Variants in LRRIQ3 observed in about 807,000 individuals in gnomAD.
LRRIQ3 encodes the protein leucine-rich repeat and IQ domain-containing protein 3.
LRRIQ3 carries 75 observed loss-of-function variants against 59.3 expected under a neutral mutation model. The observed-to-expected ratio is 1.26, with a 90% CI of 1.05 to 1.53. LRRIQ3 has a LOEUF of 1.53. Among genes scored for constraint, LRRIQ3 ranks in the 40% most tolerant of loss-of-function variants. The probability of loss-of-function intolerance (pLI) is 0.00; values close to 1 mark genes in which losing one functional copy is unlikely to be tolerated. For synonymous variants in LRRIQ3, 250 were observed against 231.3 expected (o/e 1.08, Z -0.73); for missense variants, 831 against 710.0 (o/e 1.17, Z -1.94).
chr1:74,077,009 C>G (rs2100486006), intron 5 of LRRIQ3, among the ~76,000 whole-genome samples: 1 of 152,080 alleles, frequency 6.6e-6, no homozygotes, highest in Non-Finnish European at 1.5e-5. Context: ...AGTCACAATA[C>G]CAAAACATAT....
chr1:74,178,171 T>C (rs1358236525), intron 3 of LRRIQ3, among the ~76,000 whole-genome samples: 1 of 151,948 alleles, frequency 6.6e-6, no homozygotes, highest in Admixed American at 6.6e-5. Context: ...CTGTTCACCA[T>C]TACTTTGGTT....
chr1:74,034,995 G>GA (rs928789512), intron 7 of LRRIQ3, among the ~76,000 whole-genome samples: 10 of 152,002 alleles, frequency 6.6e-5, no homozygotes, highest in Admixed American at 2.6e-4. Flanking sequence ...TAATATCAGA[G>GA]AAAAAATGTG....
At chr1:74,185,718 C>T (rs1461636621) in intron 1 of LRRIQ3, among the ~76,000 whole-genome samples, 5 of 151,708 alleles carry the variant, frequency 3.3e-5, no homozygotes, top group Non-Finnish European at 7.4e-5. Context: ...CTGAGGCGGG[C>T]GGATTACCAG....
chr1:74,173,120 T>C (rs1011003602), intron 3 of LRRIQ3, among the ~76,000 whole-genome samples: 2 of 151,862 alleles, frequency 1.3e-5, no homozygotes, highest in African/African-American at 4.8e-5. Flanking sequence ...GCCAGCATCC[T>C]GGCCGTCTCT....
intron 5 of LRRIQ3, among the ~76,000 whole-genome samples, chr1:74,106,631 G>A (rs902948239): frequency 8.6e-5 from 13 of 151,996 alleles, no homozygotes; most frequent in African/African-American, 3.1e-4. Flanking sequence ...TCAAAGCCCC[G>A]GTGGGGTATT....
chr1:74,073,545 A>AAAC (rs1646159506), intron 6 of LRRIQ3, among the ~76,000 whole-genome samples: 1 of 138,088 alleles, frequency 7.2e-6, no homozygotes, highest in African/African-American at 2.6e-5. Context: ...AACAAACAAA[A>AAAC]TAAAAAGACC....
At chr1:74,147,092 G>A (rs1315443686) in intron 4 of LRRIQ3, among the ~76,000 whole-genome samples, 1 of 152,028 alleles carries the variant, frequency 6.6e-6, no homozygotes, top group Non-Finnish European at 1.5e-5. Flanking sequence ...GCCAGGCATG[G>A]CAACGCGTGC....
intron 3 of LRRIQ3, among the ~76,000 whole-genome samples, chr1:74,169,381 G>A (rs1437240499): frequency 6.6e-6 from 1 of 152,104 alleles, no homozygotes; most frequent in African/African-American, 2.4e-5. Flanking sequence ...AATCAACATG[G>A]AATACTGTTT....
chr1:74,138,320 A>G (rs577194394), intron 4 of LRRIQ3: 7 of 177,790 alleles, frequency 3.9e-5, no homozygotes, highest in African/African-American at 9.5e-5. Flanking sequence ...GCCAAATCAC[A>G]GCTCATAATT....
At chr1:74,040,416 T>C (rs370162175) in intron 7 of LRRIQ3, among the ~76,000 whole-genome samples, 1 of 152,134 alleles carries the variant, frequency 6.6e-6, no homozygotes, top group African/African-American at 2.4e-5. Flanking sequence ...TTCAGGACTT[T>C]AACACAGCTC....
At chr1:74,189,252 G>A (rs1650601809) in intron 1 of LRRIQ3, among the ~76,000 whole-genome samples, 2 of 152,096 alleles carry the variant, frequency 1.3e-5, no homozygotes, top group African/African-American at 4.8e-5. Context: ...GGCTCCCAAA[G>A]CATAAAAGCA....
chr1:74,073,212 T>C (rs1655075282), intron 6 of LRRIQ3, among the ~76,000 whole-genome samples: 1 of 152,102 alleles, frequency 6.6e-6, no homozygotes, highest in African/African-American at 2.4e-5. Context: ...CTATTTAGTT[T>C]TCATATTCCA....
chr1:74,127,655 A>G (rs1646955654), intron 4 of LRRIQ3, among the ~76,000 whole-genome samples: 1 of 152,060 alleles, frequency 6.6e-6, no homozygotes, highest in Non-Finnish European at 1.5e-5. Context: ...GCTTCTATTT[A>G]CATCTTAGTA....
At chr1:74,047,459 G>T (rs1654239028) in intron 6 of LRRIQ3, among the ~76,000 whole-genome samples, 1 of 152,030 alleles carries the variant, frequency 6.6e-6, no homozygotes, top group South Asian at 2.1e-4. Context: ...ATGGGCTAGG[G>T]GACGGATAGC....
intron 5 of LRRIQ3, among the ~76,000 whole-genome samples, chr1:74,102,990 G>T (rs147703680): frequency 6.6e-6 from 1 of 152,054 alleles, no homozygotes; most frequent in African/African-American, 2.4e-5. Context: ...CTTAAAGGCT[G>T]AACTACAATT....
chr1:74,131,977 C>T (rs1317264251), intron 4 of LRRIQ3, among the ~76,000 whole-genome samples: 1 of 151,994 alleles, frequency 6.6e-6, no homozygotes, highest in Admixed American at 6.6e-5. Flanking sequence ...TTTAGAAAAC[C>T]CCATTGTCTC....
intron 3 of LRRIQ3, among the ~76,000 whole-genome samples, chr1:74,162,789 T>C (rs1648738565): frequency 6.6e-6 from 1 of 151,648 alleles, no homozygotes; most frequent in Admixed American, 6.6e-5. Flanking sequence ...TCCATAAGAA[T>C]ATTTGATCTC....
Position 74,122,237 on chromosome 1 carries a change from A to C in LRRIQ3, c.708-12684T>G, listed in dbSNP as rs1223815921. 3.7e-4 allele frequency among the ~76,000 whole-genome samples: 56 copies of C among 151,996 alleles called. 1 individual carries two copies. Among genetic ancestry groups the C allele is most frequent in the Admixed American group, 2.3e-3 (35 of 15,234 alleles). On this transcript the variant is annotated intron_variant, in intron 4 of 7. Transcript: ENST00000354431. ...TGTTCCTATTTCTCCACATCCTCTC[A>C]GGCACCTGTTGTTTCCTGACTTTTT... is the stretch of plus-strand genomic sequence containing the variant.
Position 74,056,371 on chromosome 1 carries a change from G to A in LRRIQ3, c.998-14438C>T, listed in dbSNP as rs548124301. ...AACATAGTACTAGAAGTTGCAGCCA[G>A]AGCAATTAGGCAAGAGGGAAAATAG... is the stretch of plus-strand genomic sequence containing the variant. On this transcript the variant is annotated intron_variant, in intron 6 of 7. Transcript: ENST00000354431. Among the ~76,000 whole-genome samples, 20 of 152,090 alleles carry A rather than the reference G, an allele frequency of 1.3e-4. 1 individual carries two copies. The highest frequency in any genetic ancestry group is 3.4e-3 in the Middle Eastern group (1 of 294).
Sources: gnomAD v4.1 joint callset for allele counts (sites outside exome capture counted in the v4.1 genomes callset) on GRCh38, gnomAD v4.1.1 for gene constraint, MANE v1.5 for transcripts, NCBI Gene and HGNC (gene_info 2026-07-23, HGNC 2026-07-21) for gene names.